Variants in CR2 observed in about 807,000 individuals in gnomAD.
CR2 encodes the protein complement C3d receptor 2, also known as complement receptor type 2.
CR2 carries 96 observed loss-of-function variants against 123.0 expected under a neutral mutation model. The observed-to-expected ratio is 0.78, with a 90% CI of 0.66 to 0.93. CR2 has a LOEUF of 0.93. Ranked by LOEUF, CR2 falls within the 40% of genes least tolerant of loss-of-function variation. The pLI is 0.00. For synonymous variants in CR2, 484 were observed against 469.5 expected (o/e 1.03, Z -0.40); for missense variants, 1,258 against 1,361.0 (o/e 0.92, Z 1.19).
At chr1:207,484,038 G>A (rs571500104) in intron 18 of CR2, among the ~76,000 whole-genome samples, 1 of 152,280 alleles carries the variant, frequency 6.6e-6, no homozygotes, top group African/African-American at 2.4e-5. Flanking sequence ...GTCATTTGCA[G>A]GGCCTTCCTC....
In CR2 at chr1:207,486,230, C is replaced by CAAAAAAAAAAAAAAA. The variant is rs1173937738; in HGVS notation, c.*18+670_*18+684dup. Among the ~76,000 whole-genome samples, 47 of 43,004 alleles carry CAAAAAAAAAAAAAAA rather than the reference C, an allele frequency of 1.1e-3. 2 individuals are homozygous for CAAAAAAAAAAAAAAA. Among genetic ancestry groups the CAAAAAAAAAAAAAAA allele is most frequent in the Admixed American group, 1.9e-3 (5 of 2,644 alleles). 28.2% of individuals were successfully genotyped at this position (43,004 alleles called of 152,430 possible). ...TGGACAACAGAGCAAGACTGCATCT[C>CAAAAAAAAAAAAAAA]AAAAAAAAAAAAAAAAAAAAAAAAA... On this transcript the variant is annotated intron_variant, in intron 19 of 19. Coordinates refer to ENST00000367057, the MANE Select transcript of CR2 (RefSeq NM_001006658.3).
chr1:207,474,858 T>A lies in CR2; in HGVS notation c.2358T>A (p.Asn786Lys). 6.2e-7 allele frequency: 1 copy of A among 1,614,018 alleles called. No homozygotes were observed. The highest frequency in any genetic ancestry group is 8.5e-7 in the Non-Finnish European group (1 of 1,179,944). The change falls in exon 14 of 20, where the codon AAT becomes AAA. Residue 786 changes from asparagine to lysine, a missense_variant. Asn to Lys is a moderately conservative substitution (Grantham distance 94). Transcript: ENST00000367057. Reference protein sequence around the residue: ...IHCHPPPVIVNGKHTGMMAEN... With the variant: ...IHCHPPPVIVKGKHTGMMAEN... ...GTCACCCTCCACCAGTGATTGTCAA[T>A]GGGAAGCACACAGGCATGATGGCAG...
intron 1 of CR2, among the ~76,000 whole-genome samples, chr1:207,455,995 G>A (rs1657824707): frequency 6.6e-6 from 1 of 152,058 alleles, no homozygotes; most frequent in African/African-American, 2.4e-5. Context: ...AAGAGATTTT[G>A]GTTCTTATGA....
chr1:207,486,363 A>T (rs561368018), intron 19 of CR2, among the ~76,000 whole-genome samples: 2 of 152,120 alleles, frequency 1.3e-5, no homozygotes, highest in East Asian at 1.9e-4. Flanking sequence ...CAAGGAGGCC[A>T]GTGTGGCCTA....
intron 2 of CR2, among the ~76,000 whole-genome samples, chr1:207,467,802 G>C (rs1658145693): frequency 6.6e-6 from 1 of 152,176 alleles, no homozygotes; most frequent in Admixed American, 6.5e-5. Context: ...GACATGGAAG[G>C]ATATCGTATA....
Position 207,469,739 on chromosome 1 carries a change from A to G in CR2, c.862A>G (p.Ile288Val), listed in dbSNP as rs758272030. 9.9e-6 allele frequency: 16 copies of G among 1,613,830 alleles called. No homozygotes were observed. Among genetic ancestry groups the G allele is most frequent in the Non-Finnish European group, 1.4e-5 (16 of 1,179,880 alleles). ...SPPPILNGRH[I>V]GNSLANVSYG... The stretch of plus-strand genomic sequence containing the variant: ...TCCCCCTATTCTCAATGGAAGACAT[A>G]TAGGCAACTCACTAGCAAATGTCTC... The change falls in exon 6 of 20, where the codon ATA (isoleucine) becomes GTA (valine). Residue 288 changes from isoleucine (I) to valine (V), a missense_variant. Coordinates refer to ENST00000367057, the MANE Select transcript of CR2 (RefSeq NM_001006658.3).
At chr1:207,474,725 G>A in intron 13 of CR2, 99 bp from the exon 14 acceptor site, 1 of 1,261,420 alleles carries the variant, frequency 7.9e-7, no homozygotes, top group Non-Finnish European at 1.1e-6. Flanking sequence ...TTCTAGTTAT[G>A]TGAAATATAT....
In CR2 at chr1:207,468,716, G is replaced by A. The variant is rs370988625; in HGVS notation, c.634+1G>A. ...AGTGCTGTCCCCCCCACATGTGAAGGTACCCTAAATTTACAATCTATTTTA... is the reference window on the plus strand; with the variant it reads ...AGTGCTGTCCCCCCCACATGTGAAGATACCCTAAATTTACAATCTATTTTA... On this transcript the variant is annotated splice_donor_variant, in intron 3 of 19. Coordinates refer to ENST00000367057, the MANE Select transcript of CR2 (RefSeq NM_001006658.3). LOFTEE classifies it high-confidence loss of function. 2 of 1,613,770 alleles carry A rather than the reference G, an allele frequency of 1.2e-6. No individual in the cohort carries two copies. Among genetic ancestry groups the A allele is most frequent in the African/African-American group, 2.7e-5 (2 of 74,862 alleles).
intron 17 of CR2, 142 bp downstream of exon 17, chr1:207,479,422 G>C: frequency 1.6e-6 from 1 of 638,124 alleles, no homozygotes; most frequent in Non-Finnish European, 2.8e-6. Flanking sequence ...ATACTTCAAT[G>C]TACATGTCAC....
Position 207,454,469 on chromosome 1 carries a change from G to A in CR2, c.51G>A (p.Gly17=), listed in dbSNP as rs1052162739. Residue 17 remains glycine, a synonymous_variant, in exon 1 of 20, where the codon GGG becomes GGA. Coordinates refer to ENST00000367057, the MANE Select transcript of CR2 (RefSeq NM_001006658.3). This position sits in a 1 kb window ranked among gnomAD's most constrained non-coding sequence, Gnocchi z 4.3. ...LGVFLALVAP[G]VLGISCGSPP... is the part of the protein sequence containing the mutation. ...TTTTCTTGGCTCTCGTCGCACCGGG[G>A]GTCCTCGGTGAGCTGGGAGGGGGAG... is the stretch of plus-strand genomic sequence containing the variant. 3 of 1,571,262 alleles carry A rather than the reference G, an allele frequency of 1.9e-6. No homozygotes were observed. Among genetic ancestry groups the A allele is most frequent in the African/African-American group, 2.7e-5 (2 of 73,196 alleles).
intron 1 of CR2, among the ~76,000 whole-genome samples, chr1:207,464,384 G>T (rs554521932): frequency 1.3e-5 from 2 of 152,172 alleles, no homozygotes; most frequent in African/African-American, 4.8e-5. Context: ...CCTTAAAAAG[G>T]TATTCCTTGT....
chr1:207,480,111 G>A, intron 18 of CR2, 58 bp downstream of exon 18: 3 of 1,222,202 alleles, frequency 2.5e-6, no homozygotes, highest in Non-Finnish European at 3.6e-6. Flanking sequence ...TCGGCTTCTT[G>A]TCTGAAACTA....
chr1:207,469,988 T>G lies in CR2; in HGVS notation c.1111T>G (p.Tyr371Asp). 1 of 1,613,998 alleles carries G rather than the reference T, an allele frequency of 6.2e-7. No individual in the cohort carries two copies. The highest frequency in any genetic ancestry group is 1.7e-5 in the Admixed American group (1 of 59,984). Residue 371 changes from tyrosine to aspartate, a missense_variant, in exon 6 of 20, where the codon TAT (tyrosine) becomes GAT (aspartate). Tyr to Asp is a radical substitution (Grantham distance 160). Coordinates refer to ENST00000367057, the MANE Select transcript of CR2 (RefSeq NM_001006658.3). The stretch of plus-strand genomic sequence containing the variant: ...ATCTGGGCAGAAAGATCGATATACC[T>G]ATAACGACACTGTGATATTTGCTTG... Reference protein sequence around the residue: ...MVSGQKDRYTYNDTVIFACMF... With the variant: ...MVSGQKDRYTDNDTVIFACMF...
At chr1:207,474,620 C>A (rs1658383458) in intron 13 of CR2, among the ~76,000 whole-genome samples, 1 of 152,158 alleles carries the variant, frequency 6.6e-6, no homozygotes, top group African/African-American at 2.4e-5. Context: ...ACTCTATTTT[C>A]TGAATTTTTA....
chr1:207,486,466 G>A (rs866981000), intron 19 of CR2, among the ~76,000 whole-genome samples: 5 of 152,240 alleles, frequency 3.3e-5, no homozygotes, highest in Middle Eastern at 3.4e-3. Flanking sequence ...TGGGATGGTG[G>A]GCAGGAGAGG....
intron 19 of CR2, among the ~76,000 whole-genome samples, chr1:207,486,069 A>G (rs1389854784): frequency 2.0e-5 from 3 of 151,778 alleles, no homozygotes; most frequent in Non-Finnish European, 4.4e-5. Context: ...TGTCTCTACT[A>G]AAAATACAAA....
At chr1:207,481,918 A>G (rs1252989285) in intron 18 of CR2, among the ~76,000 whole-genome samples, 1 of 151,948 alleles carries the variant, frequency 6.6e-6, no homozygotes, top group African/African-American at 2.4e-5. Context: ...TTTTCTACCA[A>G]TTATTATTAT....
At chr1:207,462,876 A>G (rs76067922) in intron 1 of CR2, among the ~76,000 whole-genome samples, 18 of 152,348 alleles carry the variant, frequency 1.2e-4, no homozygotes, top group Admixed American at 1.1e-3. Flanking sequence ...AATGAAGACT[A>G]TAAGTTATAA....
rs1321855904 is a variant in CR2 at position 207,475,335 on chromosome 1, T to A, written c.2716+119T>A. The A allele has an allele frequency of 7.2e-6, 8 of 1,116,420 alleles. No individual in the cohort carries two copies. The African/African-American group carries it at 1.3e-4, about 18-fold the overall frequency. The allele number at this position is 1,116,420 out of a possible 1,614,324, so 69.2% of individuals were successfully genotyped here. A position where few individuals can be genotyped will look rare whatever the true frequency, so the allele number is the denominator to read the frequency against. ...CATCTAAGAGCTAAGGCAGTTATAT[T>A]GTTTTACAAGATATTTGCCTTTTCC... On this transcript the variant is annotated intron_variant, in intron 14 of 19. Transcript: ENST00000367057.
Sources: gnomAD v4.1 joint callset for allele counts (sites outside exome capture counted in the v4.1 genomes callset) on GRCh38, gnomAD v4.1.1 for gene constraint, Gnocchi (gnomAD v3.1) non-coding constraint, MANE v1.5 for transcripts, NCBI Gene and HGNC (gene_info 2026-07-23, HGNC 2026-07-21) for gene names.